The following SORCS3 variants were observed in gnomAD, a reference collection of about 807,000 sequenced individuals.
SORCS3 encodes the protein sortilin related VPS10 domain containing receptor 3, also known as VPS10 domain-containing receptor SorCS3.
Under a neutral mutation model 146.3 loss-of-function variants are expected in SORCS3, and 57 were observed. That is an observed-to-expected ratio of 0.39 (90% CI 0.31 to 0.49). SORCS3 has a LOEUF of 0.49. Among genes scored for constraint, SORCS3 ranks in the 20% least tolerant of loss-of-function variants. SORCS3 has a pLI of 0.92. For missense variants in SORCS3, 1,341 were observed against 1,575.5 expected, an observed-to-expected ratio of 0.85 and a Z score of 2.52; for synonymous variants, 653 against 618.5, an observed-to-expected ratio of 1.06 and a Z score of -0.83.
chr10:104,728,068 T>A (rs1300364952), intron 1 of SORCS3, among the ~76,000 whole-genome samples: 1 of 149,194 alleles, frequency 6.7e-6, no homozygotes, highest in East Asian at 1.9e-4. Context: ...TCTATCTATC[T>A]ATCTAATCTA....
chr10:105,056,402 GA>G (rs971384915), intron 5 of SORCS3, among the ~76,000 whole-genome samples: 74 of 152,010 alleles, frequency 4.9e-4, no homozygotes, highest in African/African-American at 1.6e-3. Context: ...ACTCTGTTAG[GA>G]AAAAAAAGTT....
At chr10:105,135,107 T>C (rs1390110187) in intron 7 of SORCS3, among the ~76,000 whole-genome samples, 1 of 152,086 alleles carries the variant, frequency 6.6e-6, no homozygotes, top group African/African-American at 2.4e-5. Flanking sequence ...TCTTGAGGCT[T>C]AAGAATAATT....
intron 17 of SORCS3, among the ~76,000 whole-genome samples, chr10:105,213,101 C>A (rs1198954657): frequency 2.6e-5 from 4 of 152,136 alleles, no homozygotes; most frequent in Non-Finnish European, 5.9e-5. Flanking sequence ...TATTGCCTAC[C>A]ATATGGACAA....
intron 4 of SORCS3, among the ~76,000 whole-genome samples, chr10:104,996,199 T>C (rs2055025770): frequency 6.6e-6 from 1 of 152,198 alleles, no homozygotes; most frequent in African/African-American, 2.4e-5. Context: ...AATTTGAGAA[T>C]CAATTTGTTT....
At chr10:104,727,490 G>A (rs1400623581) in intron 1 of SORCS3, among the ~76,000 whole-genome samples, 2 of 150,620 alleles carry the variant, frequency 1.3e-5, no homozygotes, top group African/African-American at 4.9e-5. Flanking sequence ...AAAAAAACTT[G>A]GATCTTATAG....
intron 4 of SORCS3, among the ~76,000 whole-genome samples, chr10:105,007,700 C>T (rs2055105513): frequency 6.6e-6 from 1 of 151,830 alleles, no homozygotes; most frequent in African/African-American, 2.4e-5. Flanking sequence ...ATGACATGAA[C>T]ATTTATTGTC....
At chr10:105,198,960 C>G (rs2056558893) in intron 14 of SORCS3, among the ~76,000 whole-genome samples, 3 of 152,156 alleles carry the variant, frequency 2.0e-5, no homozygotes, top group Non-Finnish European at 2.9e-5. Flanking sequence ...CCATAAGCAT[C>G]CTCATCTTTT....
intron 17 of SORCS3, among the ~76,000 whole-genome samples, chr10:105,213,587 C>T (rs1317889629): frequency 1.3e-5 from 2 of 152,026 alleles, no homozygotes; most frequent in Admixed American, 6.6e-5. Context: ...TGGTCATGTG[C>T]CTGGAAATAT....
chr10:105,096,556 G>GT lies in SORCS3; in HGVS notation c.1093+6718dup, dbSNP rs149202208. The stretch of plus-strand genomic sequence containing the variant: ...TGCTAAAGGCCACGGAGATTCTGCT[G>GT]TAAGTATCATGGAAAAAGTGCTGTG... On this transcript the variant is annotated intron_variant, in intron 6 of 26. Transcript: ENST00000369701. Among the ~76,000 whole-genome samples, 1,322 of 152,316 alleles carry GT rather than the reference G, an allele frequency of 8.7e-3. 14 individuals are homozygous for GT. Among genetic ancestry groups the GT allele is most frequent in the African/African-American group, 0.022 (921 of 41,560 alleles).
intron 4 of SORCS3, among the ~76,000 whole-genome samples, chr10:104,983,203 G>C (rs1201446615): frequency 6.6e-6 from 1 of 152,076 alleles, no homozygotes; most frequent in African/African-American, 2.4e-5. Flanking sequence ...GTTTTGCCAT[G>C]TTAGTCAGGC....
intron 13 of SORCS3, among the ~76,000 whole-genome samples, chr10:105,171,703 G>T (rs1384795691): frequency 6.6e-6 from 1 of 152,150 alleles, no homozygotes; most frequent in Non-Finnish European, 1.5e-5. Context: ...GGGATAAAAT[G>T]AAATGGAGCA....
chr10:104,814,165 G>T (rs894788189), intron 1 of SORCS3, among the ~76,000 whole-genome samples: 1 of 152,042 alleles, frequency 6.6e-6, no homozygotes, highest in Admixed American at 6.5e-5. Flanking sequence ...AGACACAAGG[G>T]GGGAGTTAAA....
At chr10:104,953,678 C>G (rs1330664215) in intron 3 of SORCS3, among the ~76,000 whole-genome samples, 1 of 152,176 alleles carries the variant, frequency 6.6e-6, no homozygotes, top group African/African-American at 2.4e-5. Context: ...GAAAGATGAT[C>G]TTAGACTTCC....
chr10:104,976,629 C>T (rs1462650070), intron 3 of SORCS3, among the ~76,000 whole-genome samples: 3 of 152,116 alleles, frequency 2.0e-5, no homozygotes, highest in African/African-American at 2.4e-5. Context: ...TATTGCAGCA[C>T]TATTCACAAT....
intron 1 of SORCS3, among the ~76,000 whole-genome samples, chr10:104,813,055 C>A (rs927767098): frequency 1.2e-4 from 18 of 152,220 alleles, no homozygotes; most frequent in African/African-American, 4.1e-4. Flanking sequence ...CCATGGCCTA[C>A]TGGGCCCTGG....
At chr10:104,853,278 G>A (rs2018293726) in intron 2 of SORCS3, among the ~76,000 whole-genome samples, 1 of 152,228 alleles carries the variant, frequency 6.6e-6, no homozygotes, top group South Asian at 2.1e-4. Context: ...CAGCCTGGAT[G>A]ACAGAATGAG....
At chr10:104,888,077 C>A (rs1193962962) in intron 2 of SORCS3, among the ~76,000 whole-genome samples, 1 of 151,892 alleles carries the variant, frequency 6.6e-6, no homozygotes, top group Non-Finnish European at 1.5e-5. Flanking sequence ...GTGCTCTCCC[C>A]TTGGACCTCT....
chr10:104,730,096 T>C (rs2016688963), intron 1 of SORCS3, among the ~76,000 whole-genome samples: 1 of 152,200 alleles, frequency 6.6e-6, no homozygotes, highest in Non-Finnish European at 1.5e-5. Flanking sequence ...AACAAGATTC[T>C]AAGAGTCAAA....
rs2016992311 is a variant in SORCS3, at chr10:104,751,961, ATAT to A, written c.628-90830_628-90828del. 3.7e-5 allele frequency among the ~76,000 whole-genome samples: 4 copies of A among 107,108 alleles called. No individual in the cohort carries two copies. In the South Asian group the frequency reaches 1.1e-3, roughly 30 times the overall value. 70.3% of individuals were successfully genotyped at this position (107,108 alleles called of 152,430 possible). On this transcript the variant is annotated intron_variant, in intron 1 of 26. Coordinates refer to ENST00000369701, the MANE Select transcript of SORCS3 (RefSeq NM_014978.3). ...TATATATATATATATATATATATAT[ATAT>A]ATATAATAGTTTAGCAGCAGGAATG... is the stretch of plus-strand genomic sequence containing the variant.
Sources: allele counts gnomAD v4.1 joint callset (sites outside exome capture counted in the v4.1 genomes callset), GRCh38; gene constraint gnomAD v4.1.1; transcripts MANE v1.5; gene names NCBI Gene and HGNC (gene_info 2026-07-23, HGNC 2026-07-21).